Variants in ATP10B observed in about 807,000 individuals in gnomAD.
ATP10B encodes the protein ATPase phospholipid transporting 10B (putative).
A neutral mutation model predicts 141.2 loss-of-function variants in ATP10B; 122 were observed. The ratio of observed to expected loss-of-function variants is 0.86; its 90% CI spans 0.75 to 1.00. The LOEUF is 1.00. ATP10B is among the 50% of genes least tolerant of loss of function. The probability of loss-of-function intolerance (pLI) is 0.00; values close to 1 mark genes in which losing one functional copy is unlikely to be tolerated. For missense variants in ATP10B, 1,876 were observed against 1,825.3 expected (o/e 1.03, Z -0.51); for synonymous variants, 685 against 692.0 (o/e 0.99, Z 0.16).
chr5:160,923,902 G>A, the ATP10B span, among the ~76,000 whole-genome samples: 1 of 152,214 alleles, frequency 6.6e-6, no homozygotes, highest in Non-Finnish European at 1.5e-5. Context: ...TTGGAAAAAT[G>A]CAACAGGATT....
At chr5:160,649,285 T>C (rs1273120442) in intron 7 of ATP10B, 29 bp from the exon 8 acceptor site, 2 of 1,538,924 alleles carry the variant, frequency 1.3e-6, no homozygotes, top group Admixed American at 1.7e-5. Flanking sequence ...TGTGAGTTTA[T>C]TAATTCAGAG....
chr5:160,631,286 G>C lies in ATP10B; in HGVS notation c.1620+843C>G, dbSNP rs574023649. 1.8e-3 allele frequency among the ~76,000 whole-genome samples: 269 copies of C among 152,112 alleles called. 3 individuals carry two copies. Among genetic ancestry groups the C allele is most frequent in the African/African-American group, 6.3e-3 (261 of 41,486 alleles). On this transcript the variant is annotated intron_variant, in intron 13 of 25. Transcript: ENST00000327245. ...AGAAAGAGTGTGTGCAAAGGAAAGAGGAATAGGACAGTGGGCAGAAGCCCT... is the reference window on the plus strand; with the variant it reads ...AGAAAGAGTGTGTGCAAAGGAAAGACGAATAGGACAGTGGGCAGAAGCCCT...
At chr5:160,895,986 C>T in the ATP10B span, among the ~76,000 whole-genome samples, 2 of 152,242 alleles carry the variant, frequency 1.3e-5, no homozygotes, top group African/African-American at 4.8e-5. Context: ...TAAAGAAGTT[C>T]TTTGAAACCA....
chr5:160,842,129 T>G (rs1775845944), intron 1 of ATP10B, among the ~76,000 whole-genome samples: 1 of 152,164 alleles, frequency 6.6e-6, no homozygotes, highest in South Asian at 2.1e-4. Flanking sequence ...ATAGACATGT[T>G]TTCAGACCAT....
At chr5:160,761,355 G>T (rs1769021093) in intron 2 of ATP10B, among the ~76,000 whole-genome samples, 1 of 152,158 alleles carries the variant, frequency 6.6e-6, no homozygotes, top group Non-Finnish European at 1.5e-5. Flanking sequence ...AAGACCTGAA[G>T]ATGGATCACA....
the ATP10B span, among the ~76,000 whole-genome samples, chr5:160,916,291 CTTG>C: frequency 2.0e-5 from 3 of 152,178 alleles, no homozygotes; most frequent in African/African-American, 7.2e-5. Context: ...GGCTCCAGCC[CTTG>C]TTTTGCTGAA....
intron 6 of ATP10B, among the ~76,000 whole-genome samples, chr5:160,683,112 C>G (rs114413748): frequency 0.011 from 1,702 of 151,486 alleles, 23 homozygotes; most frequent in African/African-American, 0.038. Context: ...TCTCAAACAC[C>G]GCTTTTTCAA....
chr5:160,750,566 A>G (rs1037713523), intron 2 of ATP10B, among the ~76,000 whole-genome samples: 1 of 150,980 alleles, frequency 6.6e-6, no homozygotes, highest in Non-Finnish European at 1.5e-5. Flanking sequence ...CATGACCCAC[A>G]CTGTTTCACT....
the ATP10B span, among the ~76,000 whole-genome samples, chr5:160,897,914 A>G: frequency 1.3e-5 from 2 of 152,226 alleles, no homozygotes; most frequent in Non-Finnish European, 2.9e-5. Flanking sequence ...GATCTTTGAC[A>G]AACCTGACAA....
chr5:160,716,866 A>G lies in ATP10B; in HGVS notation c.-205+43T>C, dbSNP rs547421307. ...TACATCCACCTCAGTCATGTTCCAC[A>G]TAGGAAAAGGAAAGAAACGGGGAAG... On this transcript the variant is annotated intron_variant, in intron 3 of 25. Coordinates refer to ENST00000327245, the MANE Select transcript of ATP10B (RefSeq NM_025153.3). The G allele has an allele frequency of 1.1e-3, 1,066 of 979,544 alleles. 1 individual carries two copies. The highest frequency in any genetic ancestry group is 1.2e-3 in the Non-Finnish European group (999 of 824,514). The allele number at this position is 979,544 out of a possible 1,614,324, so 60.7% of individuals were successfully genotyped here. A position where few individuals can be genotyped will look rare whatever the true frequency, so the allele number is the denominator to read the frequency against.
At chr5:160,867,837 G>C in the ATP10B span, among the ~76,000 whole-genome samples, 499 of 152,154 alleles carry the variant, frequency 3.3e-3, 5 homozygotes, top group African/African-American at 0.012. Context: ...AAAAATAAAA[G>C]CATTAAGTAA....
chr5:160,701,929 C>T (rs776330878), intron 3 of ATP10B, among the ~76,000 whole-genome samples: 8 of 151,430 alleles, frequency 5.3e-5, no homozygotes, highest in Non-Finnish European at 1.0e-4. Context: ...GGAGCAGTCA[C>T]CCCTCTCCCG....
At chr5:160,608,258 C>T (rs1297914929) in intron 18 of ATP10B, among the ~76,000 whole-genome samples, 1 of 152,176 alleles carries the variant, frequency 6.6e-6, no homozygotes, top group East Asian at 1.9e-4. Flanking sequence ...AGGATGTGAA[C>T]TCATCTGTTT....
intron 3 of ATP10B, among the ~76,000 whole-genome samples, chr5:160,697,756 A>G (rs1764455957): frequency 6.6e-6 from 1 of 152,192 alleles, no homozygotes; most frequent in South Asian, 2.1e-4. Context: ...GTAATCCTAT[A>G]GAATGGGCCT....
chr5:160,610,642 T>A (rs1757669175), intron 18 of ATP10B, among the ~76,000 whole-genome samples: 2 of 152,212 alleles, frequency 1.3e-5, no homozygotes, highest in South Asian at 4.1e-4. Context: ...CTACCAGTAA[T>A]CTGTGAAGTT....
At chr5:160,918,934 G>A in the ATP10B span, among the ~76,000 whole-genome samples, 1 of 152,272 alleles carries the variant, frequency 6.6e-6, no homozygotes, top group South Asian at 2.1e-4. Context: ...ACAGTACAAA[G>A]CAGGGAGTGG....
At chr5:160,641,340 T>G (rs912105332) in intron 9 of ATP10B, among the ~76,000 whole-genome samples, 6 of 152,194 alleles carry the variant, frequency 3.9e-5, no homozygotes, top group Non-Finnish European at 7.4e-5. Flanking sequence ...TTGTTGGTGT[T>G]GCCTGAGCAA....
At chr5:160,831,034 CTT>C (rs1409645142) in intron 1 of ATP10B, among the ~76,000 whole-genome samples, 1 of 151,630 alleles carries the variant, frequency 6.6e-6, no homozygotes, top group African/African-American at 2.4e-5. Flanking sequence ...TAAAGACAGA[CTT>C]TGAAATTGGG....
rs141600904 is a variant in ATP10B, at chr5:160,838,227, C to T, written c.-576+13714G>A. On this transcript the variant is annotated intron_variant, in intron 1 of 25. Coordinates refer to ENST00000327245, the MANE Select transcript of ATP10B (RefSeq NM_025153.3). ...GGTTCCTCACATCATACACATTTTA[C>T]TCATGGGTTCAGAATGTACATTTAT... Among the ~76,000 whole-genome samples, 25 of 152,292 alleles carry T rather than the reference C, an allele frequency of 1.6e-4. No individual in the cohort carries two copies. The East Asian group carries it at 4.4e-3, about 27-fold the overall frequency.
Sources: gnomAD v4.1 joint callset for allele counts (sites outside exome capture counted in the v4.1 genomes callset) on GRCh38, gnomAD v4.1.1 for gene constraint, MANE v1.5 for transcripts, NCBI Gene and HGNC (gene_info 2026-07-23, HGNC 2026-07-21) for gene names.